The following TCEANC2 variants were observed in gnomAD, a reference collection of about 807,000 sequenced individuals.
The protein encoded by TCEANC2 is transcription elongation factor A N-terminal and central domain-containing protein 2.
A neutral mutation model predicts 22.8 loss-of-function variants in TCEANC2; 20 were observed. That is an observed-to-expected ratio of 0.88 (90% CI 0.62 to 1.28). The LOEUF (loss-of-function observed/expected upper bound fraction) is 1.28, where lower values mean the gene tolerates loss of function less well. Ranked by LOEUF, TCEANC2 falls within the 50% of genes most tolerant of loss-of-function variation. The probability of loss-of-function intolerance (pLI) is 0.00; values close to 1 mark genes in which losing one functional copy is unlikely to be tolerated. For missense variants in TCEANC2, 251 were observed against 249.7 expected (o/e 1.01, Z -0.03); for synonymous variants, 84 against 95.5 (o/e 0.88, Z 0.70).
rs755398648 is a variant in TCEANC2 at position 54,088,656 on chromosome 1, G to C, written c.304G>C (p.Glu102Gln). The C allele has an allele frequency of 1.2e-6, 2 of 1,608,932 alleles. No individual in the cohort carries two copies. The highest frequency in any genetic ancestry group is 1.7e-6 in the Non-Finnish European group (2 of 1,178,450). Residue 102 changes from glutamate to glutamine, a missense_variant, in exon 4 of 5, where the codon GAA (glutamate) becomes CAA (glutamine). By Grantham distance (29) the Glu-to-Gln change is conservative (BLOSUM62 2). Coordinates refer to ENST00000234827, the MANE Select transcript of TCEANC2 (RefSeq NM_153035.3). The part of the protein sequence containing the change: ...SDSEVASLAR[E>Q]VYTEWKTFTE... Reference sequence around the variant, plus strand: ...TTCAGAAGTGGCTTCTCTTGCCAGAGAAGTTTACACTGAGTGGAAAACTTT... The same window carrying C: ...TTCAGAAGTGGCTTCTCTTGCCAGACAAGTTTACACTGAGTGGAAAACTTT...
At chr1:54,072,655 A>G (rs1317574078) in intron 3 of TCEANC2, among the ~76,000 whole-genome samples, 1 of 152,134 alleles carries the variant, frequency 6.6e-6, no homozygotes, top group African/African-American at 2.4e-5. Flanking sequence ...TCAGACTCCC[A>G]AAGTGCTGGG....
At position 54,077,644 on chromosome 1, in the gene TCEANC2, T is replaced by C. The variant is rs573421569; in HGVS notation, c.244+8747T>C. On this transcript the variant is annotated intron_variant, in intron 3 of 4. Transcript: ENST00000234827. ...TTAATTATTTACTTCTTTATTTTTT[T>C]ATTTGCTAGGCAGTAACTCTGTGCC... Among the ~76,000 whole-genome samples the C allele has an allele frequency of 3.9e-5, 6 of 152,294 alleles. No homozygotes were observed. In the South Asian group the frequency reaches 8.3e-4, roughly 21 times the overall value.
At chr1:54,066,868 A>C (rs1406533423) in intron 2 of TCEANC2, among the ~76,000 whole-genome samples, 1 of 152,210 alleles carries the variant, frequency 6.6e-6, no homozygotes. Context: ...ACCCCTAAAG[A>C]CCGAGAACAA....
In TCEANC2 at chr1:54,104,263, G is replaced by T; in HGVS notation, c.*7790G>T. 1 of 175,010 alleles carries T rather than the reference G, an allele frequency of 5.7e-6. No homozygotes were observed. Among genetic ancestry groups the T allele is most frequent in the South Asian group, 1.3e-4 (1 of 7,462 alleles). The allele number at this position is 175,010 out of a possible 1,614,324, so 10.8% of individuals were successfully genotyped here. A position where few individuals can be genotyped will look rare whatever the true frequency, so the allele number is the denominator to read the frequency against. ...AGTGCCTCCTGTTCTCATAGTTCTG[G>T]GCTCTGCAGGTTTAGAGGTTTTGAG... On this transcript the variant is annotated 3_prime_UTR_variant, in exon 5 of 5. Coordinates refer to ENST00000234827, the MANE Select transcript of TCEANC2 (RefSeq NM_153035.3).
At chr1:54,064,083 G>T (rs560638551) in intron 2 of TCEANC2, among the ~76,000 whole-genome samples, 1 of 152,292 alleles carries the variant, frequency 6.6e-6, no homozygotes, top group Admixed American at 6.5e-5. Flanking sequence ...GAATGCAGAG[G>T]ACTTTCATAG....
Position 54,096,560 on chromosome 1 carries a change from G to A in TCEANC2, c.*87G>A, listed in dbSNP as rs916084764. 3 of 1,479,550 alleles carry A rather than the reference G, an allele frequency of 2.0e-6. No individual in the cohort carries two copies. The highest frequency in any genetic ancestry group is 2.8e-5 in the African/African-American group (2 of 71,428). The allele number at this position is 1,479,550 out of a possible 1,614,324, so 91.7% of individuals were successfully genotyped here. ...AAAGACGCTTTTGAGTTTGGGTGATGGCTGATGCTGGCTGTGCTAGATTTT... is the reference window on the plus strand; with the variant it reads ...AAAGACGCTTTTGAGTTTGGGTGATAGCTGATGCTGGCTGTGCTAGATTTT... On this transcript the variant is annotated 3_prime_UTR_variant, in exon 5 of 5. Transcript: ENST00000234827. This position sits in a 1 kb window ranked among gnomAD's most constrained non-coding sequence, Gnocchi z 4.9.
chr1:54,054,529 G>C lies in TCEANC2; in HGVS notation c.102+5G>C, dbSNP rs781596245. The C allele has an allele frequency of 6.2e-7, 1 of 1,611,144 alleles. No individual in the cohort carries two copies. Among genetic ancestry groups the C allele is most frequent in the African/African-American group, 1.3e-5 (1 of 74,774 alleles). On this transcript the variant is annotated splice_donor_5th_base_variant and intron_variant, in intron 2 of 4. Coordinates refer to ENST00000234827, the MANE Select transcript of TCEANC2 (RefSeq NM_153035.3). The stretch of plus-strand genomic sequence containing the variant: ...GCCACGATTGAATCTCTGAAGGTGA[G>C]AGGGGATCTGGGGCTAGAGGAAATG...
In TCEANC2 at chr1:54,104,871, C is replaced by T; in HGVS notation, c.*8398C>T. 3.1e-6 allele frequency: 1 copy of T among 317,722 alleles called. No individual in the cohort carries two copies. The allele number at this position is 317,722 out of a possible 1,614,324, so 19.7% of individuals were successfully genotyped here. A position where few individuals can be genotyped will look rare whatever the true frequency, so the allele number is the denominator to read the frequency against. On this transcript the variant is annotated 3_prime_UTR_variant, in exon 5 of 5. Transcript: ENST00000234827. The stretch of plus-strand genomic sequence containing the variant: ...GCCCAATATTTATAAAATAATTATA[C>T]AAGTGCCCAGACCGTGACCTGAGCA...
rs781481333 is a variant in TCEANC2 at position 54,096,421 on chromosome 1, T to G, written c.575T>G (p.Val192Gly). 6 of 1,613,098 alleles carry G rather than the reference T, an allele frequency of 3.7e-6. No homozygotes were observed. The highest frequency in any genetic ancestry group is 5.1e-6 in the Non-Finnish European group (6 of 1,179,102). Residue 192 changes from valine (V) to glycine (G), a missense_variant, in exon 5 of 5, where the codon GTG (valine) becomes GGG (glycine). Physicochemically the swap from Val to Gly is moderately radical, Grantham distance 109 (BLOSUM62 -3). Transcript: ENST00000234827. This position sits in a 1 kb window ranked among gnomAD's most constrained non-coding sequence, Gnocchi z 4.9. ...LKHRAEIRAQ[V>G]KSGSLPVGTF... The stretch of plus-strand genomic sequence containing the variant: ...CACCGAGCTGAAATCCGGGCTCAGG[T>G]GAAGAGCGGCTCGCTGCCAGTCGGC...
downstream of TCEANC2, among the ~76,000 whole-genome samples, chr1:54,109,486 G>A (rs1167629402): frequency 6.6e-6 from 1 of 152,190 alleles, no homozygotes; most frequent in Non-Finnish European, 1.5e-5. Context: ...AAACTCCTAA[G>A]TAAAATTATG....
chr1:54,059,413 A>G (rs774097183), intron 2 of TCEANC2, among the ~76,000 whole-genome samples: 5 of 152,308 alleles, frequency 3.3e-5, no homozygotes, highest in Middle Eastern at 3.4e-3. Context: ...TGGCCTCCCA[A>G]AGTGCTGGGA....
intron 3 of TCEANC2, among the ~76,000 whole-genome samples, chr1:54,078,583 T>C (rs1658185282): frequency 6.6e-6 from 1 of 152,028 alleles, no homozygotes; most frequent in Admixed American, 6.6e-5. Flanking sequence ...GTCCCTAGAG[T>C]TTTGTTCTTA....
At chr1:54,106,345 C>G (rs1658753725), downstream of TCEANC2, among the ~76,000 whole-genome samples, 1 of 152,126 alleles carries the variant, frequency 6.6e-6, no homozygotes. Flanking sequence ...AAATATAACA[C>G]AAACCACATA....
intron 4 of TCEANC2, among the ~76,000 whole-genome samples, chr1:54,094,999 G>A (rs66746724): frequency 0.29 from 44,665 of 151,694 alleles, 7,166 homozygotes; most frequent in Admixed American, 0.43. Flanking sequence ...TTTAATTAGC[G>A]GAGCATGGTG....
Position 54,054,469 on chromosome 1 carries a change from A to G in TCEANC2, c.47A>G (p.Gln16Arg). The change falls in exon 2 of 5, where the codon CAG (glutamine) becomes CGG (arginine). Residue 16 changes from glutamine to arginine, a missense_variant. Physicochemically the swap from Gln to Arg is conservative, Grantham distance 43 (BLOSUM62 1). Coordinates refer to ENST00000234827, the MANE Select transcript of TCEANC2 (RefSeq NM_153035.3). The part of the protein sequence containing the change: ...IRTPRIQNSP[Q>R]KKDSGGKVYK... ...ACGCCTAGAATCCAGAATAGCCCTC[A>G]GAAGAAAGATTCTGGAGGAAAGGTT... The G allele has an allele frequency of 6.2e-7, 1 of 1,614,118 alleles. No homozygotes were observed. The highest frequency in any genetic ancestry group is 2.2e-5 in the East Asian group (1 of 44,872).
chr1:54,068,024 A>T (rs975785030), intron 2 of TCEANC2, among the ~76,000 whole-genome samples: 3 of 152,208 alleles, frequency 2.0e-5, no homozygotes, highest in Non-Finnish European at 4.4e-5. Flanking sequence ...AAAGTTTGCA[A>T]CACAGTGTGA....
At chr1:54,081,825 C>G (rs574428014) in intron 3 of TCEANC2, among the ~76,000 whole-genome samples, 2 of 152,290 alleles carry the variant, frequency 1.3e-5, no homozygotes, top group African/African-American at 4.8e-5. Flanking sequence ...GTGGGAGTAT[C>G]TGAGGGATGT....
rs760908241 is a variant in TCEANC2 at position 54,088,765 on chromosome 1, T to A, written c.413T>A (p.Leu138Ter). 1 of 1,596,552 alleles carries A rather than the reference T, an allele frequency of 6.3e-7. No homozygotes were observed. Among genetic ancestry groups the A allele is most frequent in the Non-Finnish European group, 8.5e-7 (1 of 1,170,982 alleles). ...TESLRKNAQK[L>*]LSEALELKMD... ...TCGTTGAGGAAAAATGCTCAGAAAT[T>A]ACTCTCAGAAGCCTTGGAATTAAAG... Residue 138 changes from leucine to a stop codon, truncating the protein, a stop_gained, in exon 4 of 5, where the codon TTA (leucine) becomes TAA (stop). Transcript: ENST00000234827. LOFTEE classifies it high-confidence loss of function.
Position 54,076,591 on chromosome 1 carries a change from C to G in TCEANC2, c.244+7694C>G, listed in dbSNP as rs551242728. Among the ~76,000 whole-genome samples the G allele has an allele frequency of 4.6e-5, 7 of 152,240 alleles. No individual in the cohort carries two copies. In the South Asian group the frequency reaches 1.5e-3, roughly 32 times the overall value. On this transcript the variant is annotated intron_variant, in intron 3 of 4. Transcript: ENST00000234827. ...GGGTATCTTCTTAGCAACCTATGAG[C>G]TTTAGAAACAGCTGTTACTGGAACC...
Sources: gnomAD v4.1 joint callset for allele counts (sites outside exome capture counted in the v4.1 genomes callset) on GRCh38, gnomAD v4.1.1 for gene constraint, Gnocchi (gnomAD v3.1) non-coding constraint, MANE v1.5 for transcripts, NCBI Gene and HGNC (gene_info 2026-07-23, HGNC 2026-07-21) for gene names.